The following PABPC4L variants were observed in gnomAD, a reference collection of about 807,000 sequenced individuals.
PABPC4L encodes the protein polyadenylate-binding protein 4-like.
For synonymous variants in PABPC4L, 169 were observed against 164.1 expected (o/e 1.03, Z -0.23); for missense variants, 452 against 451.4 (o/e 1.00, Z -0.01).
At chr4:134,076,096 T>C in the PABPC4L span, among the ~76,000 whole-genome samples, 1 of 152,032 alleles carries the variant, frequency 6.6e-6, no homozygotes, top group African/African-American at 2.4e-5. Context: ...GTTACCTGGA[T>C]ACCTAATTTC....
At chr4:134,140,125 G>A in the PABPC4L span, among the ~76,000 whole-genome samples, 1 of 151,704 alleles carries the variant, frequency 6.6e-6, no homozygotes, top group Non-Finnish European at 1.5e-5. Context: ...TAGTTACGTA[G>A]AATAAATAAA....
chr4:133,967,989 GA>G, the PABPC4L span, among the ~76,000 whole-genome samples: 1 of 152,184 alleles, frequency 6.6e-6, no homozygotes, highest in Non-Finnish European at 1.5e-5. Context: ...ACAATAGACA[GA>G]AAAGAGTGTA....
At chr4:134,022,880 T>C in the PABPC4L span, among the ~76,000 whole-genome samples, 1 of 152,014 alleles carries the variant, frequency 6.6e-6, no homozygotes, top group Non-Finnish European at 1.5e-5. Context: ...AATATTTTAG[T>C]CTTTAAAATT....
chr4:134,037,576 G>A, the PABPC4L span, among the ~76,000 whole-genome samples: 1 of 151,910 alleles, frequency 6.6e-6, no homozygotes, highest in Non-Finnish European at 1.5e-5. Context: ...CAAGACAAAA[G>A]CAAATAATTC....
chr4:134,115,839 A>G, the PABPC4L span, among the ~76,000 whole-genome samples: 1 of 151,824 alleles, frequency 6.6e-6, no homozygotes, highest in Non-Finnish European at 1.5e-5. Context: ...ATTTTCAATT[A>G]TTATCACATC....
the PABPC4L span, among the ~76,000 whole-genome samples, chr4:134,173,490 A>T: frequency 1.3e-5 from 2 of 152,102 alleles, no homozygotes; most frequent in Non-Finnish European, 2.9e-5. Context: ...TCTCACTCAT[A>T]TGTGGGAAAT....
chr4:134,089,189 A>G, the PABPC4L span, among the ~76,000 whole-genome samples: 3 of 152,144 alleles, frequency 2.0e-5, no homozygotes, highest in Non-Finnish European at 2.9e-5. Flanking sequence ...TAAATGTTTT[A>G]TAAATTTTTA....
the PABPC4L span, among the ~76,000 whole-genome samples, chr4:134,032,670 G>A: frequency 5.9e-5 from 9 of 151,730 alleles, no homozygotes; most frequent in African/African-American, 1.7e-4. Flanking sequence ...TTGATATATA[G>A]GTTTTATAAT....
At chr4:134,153,766 C>A in the PABPC4L span, among the ~76,000 whole-genome samples, 3 of 150,868 alleles carry the variant, frequency 2.0e-5, no homozygotes, top group African/African-American at 7.3e-5. Context: ...CTTGCCTCAG[C>A]CTCCAGAGTA....
the PABPC4L span, among the ~76,000 whole-genome samples, chr4:133,981,608 C>A: frequency 2.6e-5 from 4 of 152,058 alleles, no homozygotes; most frequent in East Asian, 7.7e-4. Flanking sequence ...CTTATTGTTT[C>A]TTTTAGATTA....
At chr4:134,163,078 T>A in the PABPC4L span, among the ~76,000 whole-genome samples, 1 of 152,042 alleles carries the variant, frequency 6.6e-6, no homozygotes, top group Non-Finnish European at 1.5e-5. Flanking sequence ...AAGGTGGTTC[T>A]TATAAATAAT....
At chr4:134,146,285 T>C in the PABPC4L span, among the ~76,000 whole-genome samples, 1 of 151,918 alleles carries the variant, frequency 6.6e-6, no homozygotes, top group African/African-American at 2.4e-5. Flanking sequence ...TATGATAGAA[T>C]AATAAAAATA....
At chr4:134,020,797 A>G in the PABPC4L span, among the ~76,000 whole-genome samples, 1 of 152,166 alleles carries the variant, frequency 6.6e-6, no homozygotes, top group East Asian at 1.9e-4. Flanking sequence ...GATTTTAAAA[A>G]GAGATTATAA....
At chr4:134,194,920 G>T (rs578110501), downstream of PABPC4L, among the ~76,000 whole-genome samples, 16 of 151,708 alleles carry the variant, frequency 1.1e-4, no homozygotes, top group African/African-American at 3.9e-4. Flanking sequence ...GGCCATGAAA[G>T]GTTTTTAAGG....
the PABPC4L span, among the ~76,000 whole-genome samples, chr4:133,952,670 CCT>C: frequency 6.6e-6 from 1 of 151,910 alleles, no homozygotes; most frequent in Non-Finnish European, 1.5e-5. Flanking sequence ...TTAATCCTCC[CCT>C]GTTGCCTTCC....
chr4:134,077,422 C>G, the PABPC4L span, among the ~76,000 whole-genome samples: 1 of 152,002 alleles, frequency 6.6e-6, no homozygotes, highest in African/African-American at 2.4e-5. Context: ...TCATTCAGTG[C>G]ATTAGTGTTG....
chr4:134,179,082 C>G, the PABPC4L span, among the ~76,000 whole-genome samples: 1 of 151,878 alleles, frequency 6.6e-6, no homozygotes, highest in Non-Finnish European at 1.5e-5. Context: ...AGACAATCCT[C>G]AAGTCACATA....
At chr4:134,023,973 A>T in the PABPC4L span, among the ~76,000 whole-genome samples, 1 of 152,192 alleles carries the variant, frequency 6.6e-6, no homozygotes, top group East Asian at 1.9e-4. Context: ...AATTGATTTC[A>T]ACACTATTAA....
chr4:133,974,743 C>T, the PABPC4L span, among the ~76,000 whole-genome samples: 1 of 151,990 alleles, frequency 6.6e-6, no homozygotes, highest in African/African-American at 2.4e-5. Flanking sequence ...AGGATGTGTA[C>T]AAAGGCCAAT....
Sources: allele counts gnomAD v4.1 joint callset (sites outside exome capture counted in the v4.1 genomes callset), GRCh38; gene constraint gnomAD v4.1.1; transcripts MANE v1.5; gene names NCBI Gene and HGNC (gene_info 2026-07-23, HGNC 2026-07-21).